Variants in ZC3HAV1 observed in about 807,000 individuals in gnomAD.
The protein encoded by ZC3HAV1 is zinc finger CCCH-type antiviral protein 1.
A neutral mutation model predicts 86.6 loss-of-function variants in ZC3HAV1; 41 were observed. That is an observed-to-expected ratio of 0.47 (90% CI 0.37 to 0.61). ZC3HAV1 has a LOEUF of 0.61. ZC3HAV1 is among the 20% of genes least tolerant of loss of function. The pLI is 0.00. For synonymous variants in ZC3HAV1, 421 were observed against 432.1 expected (o/e 0.97, Z 0.32); for missense variants, 964 against 1,141.1 (o/e 0.84, Z 2.24).
chr7:139,071,814 G>C (rs1232168853), intron 7 of ZC3HAV1, among the ~76,000 whole-genome samples: 1 of 152,176 alleles, frequency 6.6e-6, no homozygotes, highest in Non-Finnish European at 1.5e-5. Flanking sequence ...CTCGTTTAGA[G>C]TCTTTGAAAG....
In ZC3HAV1 at chr7:139,083,846, C is replaced by T. The variant is rs551302731; in HGVS notation, c.631G>A (p.Val211Met). The change falls in exon 3 of 13, where the codon GTG (valine) becomes ATG (methionine). Residue 211 changes from valine to methionine, a missense_variant. By Grantham distance (21) the Val-to-Met change is conservative (BLOSUM62 1). Transcript: ENST00000242351. Reference protein sequence around the residue: ...IMREHGLNPDVVQNIQDICNS... With the variant: ...IMREHGLNPDMVQNIQDICNS... The stretch of plus-strand genomic sequence containing the variant: ...CAGATGTCCTGGATGTTCTGGACCA[C>T]GTCGGGGTTCAGCCCGTGCTCCCTC... 15 of 1,614,086 alleles carry T rather than the reference C, an allele frequency of 9.3e-6. No homozygotes were observed. The highest frequency in any genetic ancestry group is 6.7e-5 in the Admixed American group (4 of 60,002).
intron 9 of ZC3HAV1, among the ~76,000 whole-genome samples, chr7:139,058,628 T>C (rs185600731): frequency 8.5e-5 from 13 of 152,132 alleles, no homozygotes; most frequent in Admixed American, 7.2e-4. Context: ...TGTTGGAGAA[T>C]TGGAGGAGAA....
Position 139,057,687 on chromosome 7 carries a change from C to G in ZC3HAV1, c.2097-2392G>C, listed in dbSNP as rs1378206970. On this transcript the variant is annotated intron_variant, in intron 9 of 12. Transcript: ENST00000242351. Reference sequence around the variant, plus strand: ...CCGAGTAGCTGGGACTACAGGCGCCCGCCACCACGCCCGGCTAATTTTTTT... The same window carrying G: ...CCGAGTAGCTGGGACTACAGGCGCCGGCCACCACGCCCGGCTAATTTTTTT... Among the ~76,000 whole-genome samples the G allele has an allele frequency of 1.0e-4, 8 of 78,936 alleles. 1 individual carries two copies. Among genetic ancestry groups the G allele is most frequent in the Non-Finnish European group, 1.9e-4 (8 of 41,196 alleles). 51.8% of individuals were successfully genotyped at this position (78,936 alleles called of 152,430 possible). A position where few individuals can be genotyped will look rare whatever the true frequency, so the allele number is the denominator to read the frequency against.
At chr7:139,109,001 C>T in intron 1 of ZC3HAV1, 23 bp downstream of exon 1, 1 of 1,524,194 alleles carries the variant, frequency 6.6e-7, no homozygotes, top group Non-Finnish European at 8.9e-7. Flanking sequence ...GCGGACAGCG[C>T]CCCTCCCTCC....
chr7:139,080,445 T>G (rs187049083), intron 3 of ZC3HAV1, among the ~76,000 whole-genome samples: 2 of 152,150 alleles, frequency 1.3e-5, no homozygotes, highest in Admixed American at 6.5e-5. Context: ...GTTTTTGTTT[T>G]AAGAGATGGA....
intron 9 of ZC3HAV1, among the ~76,000 whole-genome samples, chr7:139,058,152 A>AC (rs1563125071): frequency 9.5e-6 from 1 of 104,824 alleles, no homozygotes; most frequent in Admixed American, 1.2e-4. Flanking sequence ...TGCATGACCC[A>AC]CCCCCCACCC....
intron 9 of ZC3HAV1, among the ~76,000 whole-genome samples, chr7:139,059,602 G>C (rs920660566): frequency 3.4e-5 from 5 of 148,600 alleles, no homozygotes; most frequent in Non-Finnish European, 7.4e-5. Context: ...GGGTGACAGA[G>C]TAAGACTCTG....
At chr7:139,084,785 AGT>A (rs1328252426) in intron 2 of ZC3HAV1, among the ~76,000 whole-genome samples, 3 of 152,372 alleles carry the variant, frequency 2.0e-5, no homozygotes, top group African/African-American at 7.2e-5. Flanking sequence ...CAAAATATAA[AGT>A]GTGATGCACG....
At position 139,053,947 on chromosome 7, in the gene ZC3HAV1, G is replaced by A. The variant is rs367910457; in HGVS notation, c.2318+18C>T. The A allele has an allele frequency of 1.8e-5, 28 of 1,597,120 alleles. No individual in the cohort carries two copies. The African/African-American group carries it at 3.0e-4, about 17-fold the overall frequency. On this transcript the variant is annotated intron_variant, in intron 11 of 12. Coordinates refer to ENST00000242351, the MANE Select transcript of ZC3HAV1 (RefSeq NM_020119.4). Reference sequence around the variant, plus strand: ...TTTCCGGTTTTATGTAAAGAAACACGATAACGTGGCCACCAACCATGTAAA... The same window carrying A: ...TTTCCGGTTTTATGTAAAGAAACACAATAACGTGGCCACCAACCATGTAAA...
chr7:139,083,704 G>A, intron 3 of ZC3HAV1, 76 bp downstream of exon 3: 1 of 1,481,644 alleles, frequency 6.7e-7, no homozygotes, highest in African/African-American at 1.5e-5. Flanking sequence ...TCCAGCTTGG[G>A]TGACAGAGAG....
intron 1 of ZC3HAV1, among the ~76,000 whole-genome samples, chr7:139,093,929 C>T (rs1216747207): frequency 1.3e-5 from 2 of 152,206 alleles, no homozygotes; most frequent in Non-Finnish European, 2.9e-5. Flanking sequence ...CTTCTGATCA[C>T]TCTGTCCCAG....
Position 139,101,128 on chromosome 7 carries a change from G to A in ZC3HAV1, c.308+7896C>T, listed in dbSNP as rs182640732. Among the ~76,000 whole-genome samples, 766 of 152,298 alleles carry A rather than the reference G, an allele frequency of 5.0e-3. 6 individuals carry two copies. Among genetic ancestry groups the A allele is most frequent in the African/African-American group, 0.018 (730 of 41,592 alleles). ...CCGAGGTGCCGGGATGGCAGACGGG[G>A]TCTTGCTCACTCAGTGCTCAATCTT... On this transcript the variant is annotated intron_variant, in intron 1 of 12. Coordinates refer to ENST00000242351, the MANE Select transcript of ZC3HAV1 (RefSeq NM_020119.4).
intron 3 of ZC3HAV1, among the ~76,000 whole-genome samples, chr7:139,080,860 A>G (rs920117499): frequency 6.6e-6 from 1 of 152,210 alleles, no homozygotes; most frequent in African/African-American, 2.4e-5. Flanking sequence ...ATATCGTGAT[A>G]CGGGTGTACC....
chr7:139,049,501 T>C (rs1005604695), intron 12 of ZC3HAV1: 1 of 152,516 alleles, frequency 6.6e-6, no homozygotes, highest in Non-Finnish European at 1.5e-5. Context: ...TCTTCTAGGA[T>C]AGCTTTTTCT....
At chr7:139,065,380 T>C (rs558168122) in intron 7 of ZC3HAV1, among the ~76,000 whole-genome samples, 1 of 152,324 alleles carries the variant, frequency 6.6e-6, no homozygotes, top group African/African-American at 2.4e-5. Context: ...TTACATGAAA[T>C]AGAACATCGT....
chr7:139,096,408 G>C (rs376952623), intron 1 of ZC3HAV1, among the ~76,000 whole-genome samples: 1 of 152,248 alleles, frequency 6.6e-6, no homozygotes, highest in South Asian at 2.1e-4. Flanking sequence ...ATACTTCCCA[G>C]CATAAGTCCC....
intron 1 of ZC3HAV1, among the ~76,000 whole-genome samples, chr7:139,103,296 G>A (rs1817833228): frequency 7.0e-6 from 1 of 143,646 alleles, no homozygotes; most frequent in African/African-American, 2.6e-5. Context: ...TTTTTGATGG[G>A]GTCTCACTAT....
chr7:139,070,800 G>A (rs1584851587), intron 7 of ZC3HAV1, among the ~76,000 whole-genome samples: 1 of 151,848 alleles, frequency 6.6e-6, no homozygotes, highest in East Asian at 1.9e-4. Context: ...GGCCAACATG[G>A]TGAAACCCCG....
In ZC3HAV1 at chr7:139,108,271, GAA is replaced by G. The variant is rs764074617; in HGVS notation, c.308+751_308+752del. 1.4e-5 allele frequency among the ~76,000 whole-genome samples: 2 copies of G among 138,800 alleles called. No individual in the cohort carries two copies. The highest frequency in any genetic ancestry group is 1.6e-5 in the Non-Finnish European group (1 of 63,632). 91.1% of individuals were successfully genotyped at this position (138,800 alleles called of 152,430 possible). A position where few individuals can be genotyped will look rare whatever the true frequency, so the allele number is the denominator to read the frequency against. ...CCTTGCAGCGCATCTGCATTTAGAC[GAA>G]AAAAAAAAAAGGCAAACGGAAACAA... On this transcript the variant is annotated intron_variant, in intron 1 of 12. Transcript: ENST00000242351. The surrounding 1 kb of genome is among the most constrained non-coding windows in gnomAD (Gnocchi z 4.2).
Sources: gnomAD v4.1 joint callset for allele counts (sites outside exome capture counted in the v4.1 genomes callset) on GRCh38, gnomAD v4.1.1 for gene constraint, Gnocchi (gnomAD v3.1) non-coding constraint, MANE v1.5 for transcripts, NCBI Gene and HGNC (gene_info 2026-07-23, HGNC 2026-07-21) for gene names.